Variants in DCDC1 observed in about 807,000 individuals in gnomAD.
DCDC1 encodes doublecortin domain containing 1, also known as doublecortin domain-containing protein 1.
In DCDC1, 200 loss-of-function variants were observed where a neutral mutation model predicts 178.3. The ratio of observed to expected loss-of-function variants is 1.12; its 90% CI spans 1.00 to 1.26. The LOEUF (loss-of-function observed/expected upper bound fraction) is 1.26. Ranked by LOEUF, DCDC1 falls within the 50% of genes most tolerant of loss-of-function variation. The pLI is 0.00. For synonymous variants in DCDC1, 690 were observed against 604.8 expected, an observed-to-expected ratio of 1.14 and a Z score of -2.07; for missense variants, 1,983 against 1,749.2, an observed-to-expected ratio of 1.13 and a Z score of -2.38.
chr11:30,973,059 G>GT (rs1174357799), intron 20 of DCDC1, among the ~76,000 whole-genome samples: 3 of 151,808 alleles, frequency 2.0e-5, no homozygotes, highest in African/African-American at 7.3e-5. Flanking sequence ...ATAACCTGAG[G>GT]TCAGGAGTTC....
At chr11:31,356,530 G>C (rs1355740270) in intron 1 of DCDC1, among the ~76,000 whole-genome samples, 2 of 151,440 alleles carry the variant, frequency 1.3e-5, no homozygotes, top group Admixed American at 6.6e-5. Flanking sequence ...AAAAGAACTA[G>C]AAAAGCAAGA....
At chr11:30,900,862 G>A (rs1174646460) in intron 32 of DCDC1, among the ~76,000 whole-genome samples, 2 of 152,008 alleles carry the variant, frequency 1.3e-5, no homozygotes, top group African/African-American at 2.4e-5. Flanking sequence ...GTACCTTAGT[G>A]TTCTTATATT....
intron 9 of DCDC1, among the ~76,000 whole-genome samples, chr11:31,187,021 C>T (rs979446391): frequency 5.3e-5 from 8 of 152,122 alleles, no homozygotes; most frequent in African/African-American, 1.4e-4. Context: ...GAGAGCCCAG[C>T]GTAAAACAGT....
intron 36 of DCDC1, among the ~76,000 whole-genome samples, chr11:30,890,125 G>A (rs1565033135): frequency 2.6e-5 from 4 of 152,166 alleles, no homozygotes; most frequent in Non-Finnish European, 5.9e-5. Context: ...AACCCAGCTG[G>A]CACCTTGATC....
intron 9 of DCDC1, among the ~76,000 whole-genome samples, chr11:31,157,396 T>G (rs867491961): frequency 1.4e-5 from 2 of 141,006 alleles, no homozygotes; most frequent in South Asian, 4.6e-4. Flanking sequence ...TACATATATA[T>G]ACACACACAC....
At chr11:31,107,288 A>C (rs1296374102) in intron 12 of DCDC1, among the ~76,000 whole-genome samples, 1 of 152,120 alleles carries the variant, frequency 6.6e-6, no homozygotes, top group Non-Finnish European at 1.5e-5. Flanking sequence ...CTCTTTGATA[A>C]GGGTTACGCT....
chr11:31,115,982 G>GGGGGC (rs1491371137), intron 11 of DCDC1, among the ~76,000 whole-genome samples: 626 of 30,242 alleles, frequency 0.021, 24 homozygotes, highest in African/African-American at 0.1. Flanking sequence ...CTGTGGCAGT[G>GGGGGC]GGGGGGGGGG....
At chr11:31,229,672 C>A (rs1975507678) in intron 9 of DCDC1, among the ~76,000 whole-genome samples, 1 of 151,836 alleles carries the variant, frequency 6.6e-6, no homozygotes, top group Non-Finnish European at 1.5e-5. Context: ...TATTAAGGGC[C>A]AATGACCAAT....
intron 20 of DCDC1, among the ~76,000 whole-genome samples, chr11:30,968,711 T>TTTTATATATA (rs760434545): frequency 4.9e-5 from 3 of 61,046 alleles, no homozygotes; most frequent in African/African-American, 2.3e-4. Context: ...ATATATCAAA[T>TTTTATATATA]TATATATATA....
At chr11:31,026,348 G>A (rs1251634447) in intron 20 of DCDC1, among the ~76,000 whole-genome samples, 1 of 151,692 alleles carries the variant, frequency 6.6e-6, no homozygotes, top group East Asian at 1.9e-4. Context: ...GTTCCACTGT[G>A]GATCAATTTG....
At chr11:30,996,687 A>C (rs962896532) in intron 20 of DCDC1, among the ~76,000 whole-genome samples, 2 of 152,158 alleles carry the variant, frequency 1.3e-5, no homozygotes, top group Non-Finnish European at 2.9e-5. Flanking sequence ...TCACTTGACA[A>C]CCAAACATGC....
chr11:31,315,690 A>C (rs1415561200), intron 3 of DCDC1, among the ~76,000 whole-genome samples: 1 of 118,652 alleles, frequency 8.4e-6, no homozygotes, highest in African/African-American at 3.6e-5. Flanking sequence ...GTTTTAGGGT[A>C]CATGTGCATA....
chr11:30,968,768 A>G (rs1021279787), intron 20 of DCDC1, among the ~76,000 whole-genome samples: 2 of 113,770 alleles, frequency 1.8e-5, no homozygotes, highest in South Asian at 5.5e-4. Flanking sequence ...TCAGGCATCC[A>G]CTAGGGGTCT....
intron 20 of DCDC1, among the ~76,000 whole-genome samples, chr11:30,973,857 T>C (rs186936497): frequency 6.6e-6 from 1 of 152,114 alleles, no homozygotes; most frequent in East Asian, 1.9e-4. Flanking sequence ...GAAAGAAACA[T>C]TGGATTTAAA....
At chr11:30,981,484 A>T (rs1950392681) in intron 20 of DCDC1, among the ~76,000 whole-genome samples, 2 of 152,198 alleles carry the variant, frequency 1.3e-5, no homozygotes, top group African/African-American at 4.8e-5. Flanking sequence ...GTTATTGTTA[A>T]ATAACATAAA....
At position 31,368,871 on chromosome 11, in the gene DCDC1, T is replaced by C. The variant is rs189008866; in HGVS notation, c.-125+826A>G. 2.0e-4 allele frequency among the ~76,000 whole-genome samples: 30 copies of C among 151,938 alleles called. No homozygotes were observed. In the East Asian group the frequency reaches 5.2e-3, roughly 26 times the overall value. On this transcript the variant is annotated intron_variant, in intron 1 of 38. Transcript: ENST00000684477. ...GCTAGGAAGAGGTGTTAATGTAAAG[T>C]AAGCAGCACAAAGAAGTAATAAAAG...
chr11:31,346,059 G>A (rs1364642650), intron 1 of DCDC1, among the ~76,000 whole-genome samples: 1 of 152,132 alleles, frequency 6.6e-6, no homozygotes, highest in Non-Finnish European at 1.5e-5. Context: ...TATAAACACA[G>A]GAATACCTAT....
At chr11:31,327,592 G>T (rs544250171) in intron 3 of DCDC1, among the ~76,000 whole-genome samples, 1 of 152,220 alleles carries the variant, frequency 6.6e-6, no homozygotes, top group South Asian at 2.1e-4. Context: ...GTTCAAGTCA[G>T]ATCCCAGAGA....
intron 17 of DCDC1, among the ~76,000 whole-genome samples, chr11:31,085,719 A>C (rs886588863): frequency 7.9e-5 from 12 of 151,690 alleles, no homozygotes; most frequent in African/African-American, 2.9e-4. Flanking sequence ...TGATTGATTG[A>C]TTGATTGACA....
Sources: gnomAD v4.1 joint callset for allele counts (sites outside exome capture counted in the v4.1 genomes callset) on GRCh38, gnomAD v4.1.1 for gene constraint, MANE v1.5 for transcripts, NCBI Gene and HGNC (gene_info 2026-07-23, HGNC 2026-07-21) for gene names.